Variants in TENM2 observed in about 807,000 individuals in gnomAD.
The protein encoded by TENM2 is teneurin transmembrane protein 2.
In TENM2, 52 loss-of-function variants were observed where a neutral mutation model predicts 245.2. The observed-to-expected ratio is 0.21, with a 90% CI of 0.17 to 0.27. TENM2 has a LOEUF of 0.27. Among genes scored for constraint, TENM2 ranks in the 10% least tolerant of loss-of-function variants. The probability of loss-of-function intolerance (pLI) is 1.00; values close to 1 mark genes in which losing one functional copy is unlikely to be tolerated. For missense variants in TENM2, 3,046 were observed against 3,666.8 expected (o/e 0.83, Z 4.37); for synonymous variants, 1,363 against 1,438.9 (o/e 0.95, Z 1.19).
At chr5:167,534,633 G>A (rs1235306656) in intron 2 of TENM2, among the ~76,000 whole-genome samples, 1 of 152,176 alleles carries the variant, frequency 6.6e-6, no homozygotes, top group Non-Finnish European at 1.5e-5. Context: ...AGAACCATTT[G>A]AGTGGTATCT....
intron 2 of TENM2, among the ~76,000 whole-genome samples, chr5:167,564,546 T>C (rs946404444): frequency 1.3e-5 from 2 of 152,180 alleles, no homozygotes; most frequent in Non-Finnish European, 2.9e-5. Flanking sequence ...CAGCAGGGGA[T>C]GTATCAGTAA....
chr5:167,667,004 C>T (rs1755621712), intron 2 of TENM2, among the ~76,000 whole-genome samples: 1 of 152,072 alleles, frequency 6.6e-6, no homozygotes, highest in Admixed American at 6.5e-5. Flanking sequence ...TATGAGTTAC[C>T]TTATACATTA....
chr5:167,199,522 A>G, the TENM2 span, among the ~76,000 whole-genome samples: 1 of 151,272 alleles, frequency 6.6e-6, no homozygotes, highest in Admixed American at 6.6e-5. Context: ...CCTGCCTTCC[A>G]TCTAATCTAC....
chr5:167,851,452 A>G (rs1465119190), intron 2 of TENM2, among the ~76,000 whole-genome samples: 1 of 152,206 alleles, frequency 6.6e-6, no homozygotes, highest in Non-Finnish European at 1.5e-5. Context: ...CTATTGAAAT[A>G]TTTGGTAAGG....
At chr5:167,919,858 A>G (rs1315573911) in intron 3 of TENM2, among the ~76,000 whole-genome samples, 1 of 152,238 alleles carries the variant, frequency 6.6e-6, no homozygotes, top group Non-Finnish European at 1.5e-5. Context: ...TATGACTATC[A>G]CGACATCCAG....
the TENM2 span, among the ~76,000 whole-genome samples, chr5:167,240,021 G>A: frequency 1.3e-5 from 2 of 152,208 alleles, no homozygotes; most frequent in African/African-American, 4.8e-5. Context: ...TGATCTGCCT[G>A]CCTCGGCCTC....
At chr5:167,531,716 A>C (rs1230236802) in intron 2 of TENM2, among the ~76,000 whole-genome samples, 1 of 151,922 alleles carries the variant, frequency 6.6e-6, no homozygotes, top group East Asian at 1.9e-4. Flanking sequence ...AAGTGAGATC[A>C]TGTGGCATTT....
intron 2 of TENM2, among the ~76,000 whole-genome samples, chr5:167,609,480 T>C (rs1777297144): frequency 9.6e-6 from 1 of 104,316 alleles, no homozygotes; most frequent in South Asian, 4.3e-4. Context: ...TTTCTTTGCC[T>C]GATGATGCAA....
chr5:167,025,042 C>T, the TENM2 span, among the ~76,000 whole-genome samples: 1 of 152,136 alleles, frequency 6.6e-6, no homozygotes, highest in African/African-American at 2.4e-5. Context: ...TTTTATCCAG[C>T]TTCCAGTTGA....
intron 12 of TENM2, among the ~76,000 whole-genome samples, chr5:168,136,430 C>T (rs1026508045): frequency 1.3e-5 from 2 of 152,280 alleles, no homozygotes. Flanking sequence ...AATACACTTA[C>T]AGGGACTCCT....
chr5:168,148,438 C>G (rs1406979538), intron 12 of TENM2, among the ~76,000 whole-genome samples: 2 of 152,170 alleles, frequency 1.3e-5, no homozygotes, highest in African/African-American at 4.8e-5. Context: ...GAATGTACCT[C>G]CTGATCAGAA....
Position 168,247,878 on chromosome 5 carries a change from C to A in TENM2, c.6939C>A (p.Thr2313=), listed in dbSNP as rs759147241. The change falls in exon 27 of 29, where the codon ACC becomes ACA. Residue 2313 remains threonine, a synonymous_variant. Transcript: ENST00000518659. The surrounding 1 kb of genome is among the most constrained non-coding windows in gnomAD (Gnocchi z 7.8). ...TAGGACGGCGGGCTTCCTACAAGAC[C>A]AACCTGGGCCACCACCTGCAGTACT... 5.0e-6 allele frequency: 8 copies of A among 1,613,992 alleles called. No homozygotes were observed. Among genetic ancestry groups the A allele is most frequent in the Non-Finnish European group, 4.2e-6 (5 of 1,179,878 alleles).
chr5:166,994,486 T>C, the TENM2 span, among the ~76,000 whole-genome samples: 1 of 152,184 alleles, frequency 6.6e-6, no homozygotes, highest in African/African-American at 2.4e-5. Flanking sequence ...TCTCCAAAAC[T>C]GGAATAAGTT....
intron 9 of TENM2, among the ~76,000 whole-genome samples, chr5:168,099,632 T>A (rs113439988): frequency 1.5e-3 from 226 of 152,336 alleles, no homozygotes; most frequent in African/African-American, 5.3e-3. Context: ...TGCAAGACAA[T>A]CATTAATAAA....
intron 2 of TENM2, among the ~76,000 whole-genome samples, chr5:167,431,945 A>ATG (rs1387175748): frequency 2.1e-5 from 2 of 93,994 alleles, no homozygotes; most frequent in African/African-American, 8.0e-5. Context: ...ATATACATAT[A>ATG]TATGTATATA....
chr5:168,244,798 C>G lies in TENM2; in HGVS notation c.5817+82C>G. 2 of 1,197,954 alleles carry G rather than the reference C, an allele frequency of 1.7e-6. No individual in the cohort carries two copies. The highest frequency in any genetic ancestry group is 2.9e-5 in the East Asian group (1 of 34,162). The allele number at this position is 1,197,954 out of a possible 1,614,324, so 74.2% of individuals were successfully genotyped here. On this transcript the variant is annotated intron_variant, in intron 26 of 28. Transcript: ENST00000518659. The surrounding 1 kb of genome is among the most constrained non-coding windows in gnomAD (Gnocchi z 4.9). Reference sequence around the variant, plus strand: ...CTTCTTTTTTTTTTTGAGACAGAGACTTGCTCTGTTGCCCAGGCTGGAGTG... The same window carrying G: ...CTTCTTTTTTTTTTTGAGACAGAGAGTTGCTCTGTTGCCCAGGCTGGAGTG...
At chr5:167,155,487 C>A in the TENM2 span, among the ~76,000 whole-genome samples, 1 of 152,152 alleles carries the variant, frequency 6.6e-6, no homozygotes, top group Non-Finnish European at 1.5e-5. Context: ...GCCCCTGAAC[C>A]CTTTTTAGCA....
chr5:167,444,003 T>G (rs1765012855), intron 2 of TENM2, among the ~76,000 whole-genome samples: 2 of 152,104 alleles, frequency 1.3e-5, no homozygotes. Flanking sequence ...CCCTAAAATA[T>G]TAGCATATTC....
chr5:168,262,463 G>T, exon 29 of TENM2: 1 of 1,565,296 alleles, frequency 6.4e-7, no homozygotes. Flanking sequence ...GCTGGTCAAC[G>T]GCAGGACTCG....
Sources: gnomAD v4.1 joint callset for allele counts (sites outside exome capture counted in the v4.1 genomes callset) on GRCh38, gnomAD v4.1.1 for gene constraint, Gnocchi (gnomAD v3.1) non-coding constraint, MANE v1.5 for transcripts, NCBI Gene and HGNC (gene_info 2026-07-23, HGNC 2026-07-21) for gene names.